The following AIG1 variants were observed in gnomAD, a reference collection of about 807,000 sequenced individuals.
AIG1 encodes androgen-induced gene 1 protein.
A neutral mutation model predicts 31.4 loss-of-function variants in AIG1; 23 were observed. The observed-to-expected ratio is 0.73, with a 90% confidence interval of 0.53 to 1.04. The LOEUF (loss-of-function observed/expected upper bound fraction) is 1.04. AIG1 is among the 50% of genes least tolerant of loss of function. The pLI is 0.00. For missense variants in AIG1, 274 were observed against 295.0 expected (o/e 0.93, Z 0.52); for synonymous variants, 100 against 110.5 (o/e 0.90, Z 0.60).
At chr6:143,282,850 C>G (rs1001902243) in intron 3 of AIG1, among the ~76,000 whole-genome samples, 3 of 152,230 alleles carry the variant, frequency 2.0e-5, no homozygotes, top group Non-Finnish European at 2.9e-5. Context: ...CCAAGGCCTA[C>G]TTGCCACCTG....
Position 143,328,289 on chromosome 6 carries a change from C to T in AIG1, c.516-4993C>T, listed in dbSNP as rs1048433111. 1.3e-5 allele frequency among the ~76,000 whole-genome samples: 2 copies of T among 152,072 alleles called. No individual in the cohort carries two copies. Among genetic ancestry groups the T allele is most frequent in the African/African-American group, 2.4e-5 (1 of 41,414 alleles). ...CTGGACCACTTATTGGAGAAGTTTG[C>T]TTTTGAAGAGGAGAGACTTGAGTAG... On this transcript the variant is annotated intron_variant, in intron 4 of 5. Coordinates refer to ENST00000357847, the MANE Select transcript of AIG1 (RefSeq NM_016108.4). This position sits in a 1 kb window ranked among gnomAD's most constrained non-coding sequence, Gnocchi z 4.0.
At chr6:143,323,299 T>G (rs1776364269) in intron 4 of AIG1, among the ~76,000 whole-genome samples, 1 of 152,174 alleles carries the variant, frequency 6.6e-6, no homozygotes, top group African/African-American at 2.4e-5. Context: ...TGTGATCCCC[T>G]TCTGAGCACA....
chr6:143,177,917 C>T (rs1788324353), intron 3 of AIG1, among the ~76,000 whole-genome samples: 2 of 152,106 alleles, frequency 1.3e-5, no homozygotes. Context: ...TTCTTTGGCA[C>T]CTGGAGGGCA....
intron 3 of AIG1, among the ~76,000 whole-genome samples, chr6:143,174,032 G>T (rs1231734809): frequency 6.6e-6 from 1 of 152,112 alleles, no homozygotes; most frequent in East Asian, 1.9e-4. Flanking sequence ...TCACTTCTTA[G>T]GTCTAGTAGT....
At chr6:143,114,926 A>G (rs956024926) in intron 1 of AIG1, among the ~76,000 whole-genome samples, 2 of 152,234 alleles carry the variant, frequency 1.3e-5, no homozygotes, top group African/African-American at 4.8e-5. Flanking sequence ...AGGGGTGACT[A>G]AAGTGCCCAG....
chr6:143,274,674 A>G lies in AIG1; in HGVS notation c.400-9436A>G, dbSNP rs56908959. On this transcript the variant is annotated intron_variant, in intron 3 of 5. Coordinates refer to ENST00000357847, the MANE Select transcript of AIG1 (RefSeq NM_016108.4). ...ATAGTAGGAATATAGTATTTATTGGATGAATGAATGAATGAATGAACAAAC... is the reference window on the plus strand; with the variant it reads ...ATAGTAGGAATATAGTATTTATTGGGTGAATGAATGAATGAATGAACAAAC... 8.6e-3 allele frequency among the ~76,000 whole-genome samples: 626 copies of G among 72,736 alleles called. 1 individual carries two copies. Among genetic ancestry groups the G allele is most frequent in the African/African-American group, 0.046 (588 of 12,758 alleles). The allele number at this position is 72,736 out of a possible 152,430, so 47.7% of individuals were successfully genotyped here. A position where few individuals can be genotyped will look rare whatever the true frequency, so the allele number is the denominator to read the frequency against.
intron 1 of AIG1, among the ~76,000 whole-genome samples, chr6:143,115,321 C>A (rs1396407274): frequency 6.6e-6 from 1 of 152,184 alleles, no homozygotes; most frequent in African/African-American, 2.4e-5. Flanking sequence ...GTACCCCTTT[C>A]TCTTGCCATG....
chr6:143,304,225 C>T (rs1209611715), intron 4 of AIG1, among the ~76,000 whole-genome samples: 1 of 111,566 alleles, frequency 9.0e-6, no homozygotes, highest in Non-Finnish European at 1.9e-5. Context: ...ATTTCCTTCT[C>T]CTGCCTAATT....
intron 1 of AIG1, among the ~76,000 whole-genome samples, chr6:143,087,436 G>A (rs1778896705): frequency 6.6e-6 from 1 of 152,214 alleles, no homozygotes; most frequent in South Asian, 2.1e-4. Flanking sequence ...GAACCCAGGT[G>A]CTTAGCCGTG....
intron 1 of AIG1, among the ~76,000 whole-genome samples, chr6:143,078,450 C>T (rs1482336308): frequency 6.6e-6 from 1 of 152,076 alleles, no homozygotes; most frequent in Non-Finnish European, 1.5e-5. Context: ...ATACCATGAA[C>T]ATTTTGAATA....
At chr6:143,305,786 C>A (rs1175604506) in intron 4 of AIG1, among the ~76,000 whole-genome samples, 1 of 151,200 alleles carries the variant, frequency 6.6e-6, no homozygotes, top group African/African-American at 2.4e-5. Context: ...TCCTTGTTAA[C>A]TTTCTGTCTC....
At chr6:143,186,781 T>G (rs1789300039) in intron 3 of AIG1, 1 of 152,700 alleles carries the variant, frequency 6.5e-6, no homozygotes, top group South Asian at 2.1e-4. Flanking sequence ...GTTTTATTAT[T>G]CTGTGAAGAC....
At chr6:143,315,129 T>C (rs1041045857) in intron 4 of AIG1, among the ~76,000 whole-genome samples, 1 of 152,122 alleles carries the variant, frequency 6.6e-6, no homozygotes, top group African/African-American at 2.4e-5. Flanking sequence ...TGATGTCTTT[T>C]GTTTCCAAAG....
chr6:143,275,026 G>A (rs147778807), intron 3 of AIG1, among the ~76,000 whole-genome samples: 8 of 152,328 alleles, frequency 5.3e-5, no homozygotes, highest in Non-Finnish European at 8.8e-5. Flanking sequence ...ACAGAGGGAT[G>A]AAATAAATAT....
At chr6:143,278,323 T>C (rs1036059879) in intron 3 of AIG1, among the ~76,000 whole-genome samples, 2 of 152,262 alleles carry the variant, frequency 1.3e-5, no homozygotes, top group Non-Finnish European at 2.9e-5. Flanking sequence ...TTTTGCAAGA[T>C]AATTTATGTA....
At chr6:143,273,404 T>A (rs1796676772) in intron 3 of AIG1, among the ~76,000 whole-genome samples, 2 of 152,330 alleles carry the variant, frequency 1.3e-5, no homozygotes, top group Admixed American at 1.3e-4. Context: ...AGAAAATACT[T>A]CAATGCTTTA....
At chr6:143,150,767 A>G (rs970618467) in intron 2 of AIG1, among the ~76,000 whole-genome samples, 1 of 152,208 alleles carries the variant, frequency 6.6e-6, no homozygotes, top group South Asian at 2.1e-4. Context: ...GTAGATTTAC[A>G]TTGGATCCCC....
chr6:143,086,056 A>G (rs1778749938), intron 1 of AIG1, among the ~76,000 whole-genome samples: 1 of 152,232 alleles, frequency 6.6e-6, no homozygotes, highest in African/African-American at 2.4e-5. Flanking sequence ...GTGTGCTCAC[A>G]ATGAGGTTTC....
chr6:143,106,095 A>G (rs1249993429), intron 1 of AIG1, among the ~76,000 whole-genome samples: 1 of 152,196 alleles, frequency 6.6e-6, no homozygotes, highest in Admixed American at 6.5e-5. Flanking sequence ...GATGTAATTA[A>G]TGAAGTTTAG....
Sources: gnomAD v4.1 joint callset for allele counts (sites outside exome capture counted in the v4.1 genomes callset) on GRCh38, gnomAD v4.1.1 for gene constraint, Gnocchi (gnomAD v3.1) non-coding constraint, MANE v1.5 for transcripts, NCBI Gene and HGNC (gene_info 2026-07-23, HGNC 2026-07-21) for gene names.